Variants in LUZP2 observed in about 807,000 individuals in gnomAD.
The protein encoded by LUZP2 is leucine zipper protein 2.
LUZP2 carries 52 observed loss-of-function variants against 51.6 expected under a neutral mutation model. The ratio of observed to expected loss-of-function variants is 1.01; its 90% CI spans 0.81 to 1.27. LUZP2 has a LOEUF of 1.27. Among genes scored for constraint, LUZP2 ranks in the 50% most tolerant of loss-of-function variants. The probability of loss-of-function intolerance (pLI) is 0.00; values close to 1 mark genes in which losing one functional copy is unlikely to be tolerated. For missense variants in LUZP2, 436 were observed against 395.4 expected (o/e 1.10, Z -0.87); for synonymous variants, 154 against 137.3 (o/e 1.12, Z -0.85).
intron 7 of LUZP2, among the ~76,000 whole-genome samples, chr11:24,925,899 C>G (rs938680074): frequency 3.3e-5 from 5 of 151,840 alleles, no homozygotes; most frequent in Non-Finnish European, 5.9e-5. Flanking sequence ...CTCCCTCGCA[C>G]TTTTTCTTTT....
At chr11:24,735,186 G>A (rs766418610) in intron 3 of LUZP2, among the ~76,000 whole-genome samples, 1 of 151,916 alleles carries the variant, frequency 6.6e-6, no homozygotes. Flanking sequence ...AGAGAAAGGA[G>A]TGTGTTTGCA....
chr11:24,592,024 T>C (rs553951393), intron 1 of LUZP2, among the ~76,000 whole-genome samples: 5 of 152,254 alleles, frequency 3.3e-5, no homozygotes, highest in Non-Finnish European at 7.4e-5. Context: ...CAAAGAGCCA[T>C]TGGGGAAAAG....
At chr11:24,914,667 A>C in intron 7 of LUZP2, 129 bp downstream of exon 7, 2 of 636,506 alleles carry the variant, frequency 3.1e-6, no homozygotes, top group Non-Finnish European at 5.5e-6. Context: ...CTGCATTAGA[A>C]ATACTTTCAT....
At chr11:24,789,762 C>A (rs906603706) in intron 5 of LUZP2, among the ~76,000 whole-genome samples, 1 of 152,140 alleles carries the variant, frequency 6.6e-6, no homozygotes, top group African/African-American at 2.4e-5. Context: ...CTTGCTGTGT[C>A]CCCACATGGT....
intron 9 of LUZP2, among the ~76,000 whole-genome samples, chr11:25,046,602 C>A: frequency 6.6e-6 from 1 of 151,994 alleles, no homozygotes; most frequent in Middle Eastern, 3.2e-3. Context: ...CAATGAATAA[C>A]ACACACTATC....
chr11:24,723,908 CTT>C (rs1469286825), intron 1 of LUZP2, among the ~76,000 whole-genome samples: 2 of 151,990 alleles, frequency 1.3e-5, no homozygotes, highest in Non-Finnish European at 1.5e-5. Context: ...TTTTTACAAA[CTT>C]GATATCATAT....
At chr11:24,557,570 A>G (rs1010228115) in intron 1 of LUZP2, among the ~76,000 whole-genome samples, 2 of 152,064 alleles carry the variant, frequency 1.3e-5, no homozygotes, top group African/African-American at 4.8e-5. Context: ...TGTATTAAAT[A>G]CTCACAAAGC....
chr11:24,957,154 G>C (rs1855234496), intron 7 of LUZP2, among the ~76,000 whole-genome samples: 1 of 152,034 alleles, frequency 6.6e-6, no homozygotes, highest in Admixed American at 6.6e-5. Context: ...AGCCCTGTTT[G>C]GAGTCAGAAA....
chr11:24,630,592 C>A (rs927844921), intron 1 of LUZP2, among the ~76,000 whole-genome samples: 1 of 151,278 alleles, frequency 6.6e-6, no homozygotes, highest in East Asian at 1.9e-4. Context: ...GTTACTATAG[C>A]CTTGTAACAT....
At chr11:24,622,374 C>A (rs926786115) in intron 1 of LUZP2, among the ~76,000 whole-genome samples, 2 of 151,716 alleles carry the variant, frequency 1.3e-5, no homozygotes, top group Non-Finnish European at 2.9e-5. Flanking sequence ...TGGGAACATG[C>A]GGTGTTTGTT....
chr11:24,631,580 A>C (rs1401435973), intron 1 of LUZP2, among the ~76,000 whole-genome samples: 1 of 151,336 alleles, frequency 6.6e-6, no homozygotes, highest in African/African-American at 2.4e-5. Flanking sequence ...TACATTTTTG[A>C]TGTGCTATTA....
intron 5 of LUZP2, among the ~76,000 whole-genome samples, chr11:24,818,394 T>G (rs1474463267): frequency 6.6e-6 from 1 of 152,088 alleles, no homozygotes; most frequent in Non-Finnish European, 1.5e-5. Context: ...AAATGGGTTT[T>G]TAGAAATTGG....
In LUZP2 at chr11:24,611,323, G is replaced by A. The variant is rs1471734552; in HGVS notation, c.62+114018G>A. On this transcript the variant is annotated intron_variant, in intron 1 of 11. Coordinates refer to ENST00000336930, the MANE Select transcript of LUZP2 (RefSeq NM_001009909.4). The surrounding 1 kb of genome is among the most constrained non-coding windows in gnomAD (Gnocchi z 4.6). Reference sequence around the variant, plus strand: ...TGCTTCTACAGTCCATTATTCAAAAGAATGTATATATCTAATTCATTTGAT... The same window carrying A: ...TGCTTCTACAGTCCATTATTCAAAAAAATGTATATATCTAATTCATTTGAT... Among the ~76,000 whole-genome samples the A allele has an allele frequency of 6.6e-6, 1 of 152,034 alleles. No individual in the cohort carries two copies. Among genetic ancestry groups the A allele is most frequent in the Non-Finnish European group, 1.5e-5 (1 of 68,000 alleles).
chr11:24,953,445 T>G (rs1855132800), intron 7 of LUZP2, among the ~76,000 whole-genome samples: 1 of 151,990 alleles, frequency 6.6e-6, no homozygotes. Context: ...CTCAGCACAC[T>G]TGTCATTAAA....
chr11:24,961,784 G>A (rs1185660329), intron 7 of LUZP2, among the ~76,000 whole-genome samples: 2 of 150,050 alleles, frequency 1.3e-5, no homozygotes, highest in African/African-American at 4.9e-5. Flanking sequence ...ATTTGATCCT[G>A]TCATTATGAT....
intron 5 of LUZP2, chr11:24,891,321 C>A (rs1852846301): frequency 2.1e-6 from 2 of 952,072 alleles, no homozygotes; most frequent in African/African-American, 3.5e-5. Context: ...AGCCATATCA[C>A]AAACATATGG....
intron 1 of LUZP2, among the ~76,000 whole-genome samples, chr11:24,560,850 T>G (rs1852016822): frequency 6.6e-6 from 1 of 152,174 alleles, no homozygotes; most frequent in Non-Finnish European, 1.5e-5. Flanking sequence ...AGACATAGTT[T>G]GCAGATTAAT....
chr11:24,675,419 T>G (rs2133857537), intron 1 of LUZP2, among the ~76,000 whole-genome samples: 1 of 152,302 alleles, frequency 6.6e-6, no homozygotes, highest in African/African-American at 2.4e-5. Flanking sequence ...ATGGTCAAAT[T>G]TTTGCTTATT....
chr11:24,768,696 A>T (rs565850367), intron 5 of LUZP2, among the ~76,000 whole-genome samples: 1 of 152,332 alleles, frequency 6.6e-6, no homozygotes, highest in African/African-American at 2.4e-5. Context: ...AATCGAAGCT[A>T]TGATAAAATA....
Sources: allele counts gnomAD v4.1 joint callset (sites outside exome capture counted in the v4.1 genomes callset), GRCh38; gene constraint gnomAD v4.1.1; non-coding constraint Gnocchi (gnomAD v3.1); transcripts MANE v1.5; gene names NCBI Gene and HGNC (gene_info 2026-07-23, HGNC 2026-07-21).